Variants in SLC9A4 observed in about 807,000 individuals in gnomAD.
SLC9A4 encodes sodium/hydrogen exchanger 4.
Under a neutral mutation model 67.4 loss-of-function variants are expected in SLC9A4, and 63 were observed. That is an observed-to-expected ratio of 0.93 (90% CI 0.76 to 1.15). SLC9A4 has a LOEUF of 1.15. SLC9A4 is among the 50% of genes most tolerant of loss of function. The pLI, the probability that SLC9A4 is intolerant of heterozygous loss-of-function variation, is 0.00. For missense variants in SLC9A4, 1,089 were observed against 987.7 expected (o/e 1.10, Z -1.38); for synonymous variants, 393 against 367.2 (o/e 1.07, Z -0.80).
chr2:102,496,010 C>A (rs750171983), intron 2 of SLC9A4, among the ~76,000 whole-genome samples: 5 of 150,850 alleles, frequency 3.3e-5, no homozygotes, highest in Admixed American at 6.6e-5. Context: ...AAAACACACA[C>A]AAAAAAGAAA....
intron 2 of SLC9A4, among the ~76,000 whole-genome samples, chr2:102,496,106 C>A (rs7566063): frequency 0.77 from 117,133 of 152,140 alleles, 46,199 homozygotes; most frequent in African/African-American, 0.91. Context: ...GAAAGAAAAC[C>A]TTCACTATAC....
At chr2:102,489,093 T>G (rs1684647608) in intron 2 of SLC9A4, among the ~76,000 whole-genome samples, 1 of 152,244 alleles carries the variant, frequency 6.6e-6, no homozygotes, top group Non-Finnish European at 1.5e-5. Flanking sequence ...CTTGCTTTTA[T>G]GGTTAAAAGA....
chr2:102,529,286 G>T (rs1182459057), intron 11 of SLC9A4, among the ~76,000 whole-genome samples: 1 of 152,190 alleles, frequency 6.6e-6, no homozygotes, highest in East Asian at 1.9e-4. Flanking sequence ...GGTGAACAAA[G>T]ACAGTGGTTA....
At chr2:102,501,105 T>C (rs1014024174) in intron 2 of SLC9A4, among the ~76,000 whole-genome samples, 1 of 151,290 alleles carries the variant, frequency 6.6e-6, no homozygotes, top group African/African-American at 2.4e-5. Flanking sequence ...ATTACAGGCA[T>C]GCGCCACCAT....
At chr2:102,512,131 G>A (rs1441818556) in intron 6 of SLC9A4, 72 bp from the exon 7 acceptor site, 1 of 1,542,014 alleles carries the variant, frequency 6.5e-7, no homozygotes, top group Admixed American at 1.7e-5. Context: ...TTTTTAAAGT[G>A]TCTTAGTTGT....
intron 8 of SLC9A4, among the ~76,000 whole-genome samples, chr2:102,515,171 C>T (rs1209201667): frequency 6.6e-6 from 1 of 151,974 alleles, no homozygotes; most frequent in Non-Finnish European, 1.5e-5. Context: ...CAGGTAAAAA[C>T]ACTTGATCAT....
chr2:102,526,097 A>C (rs1002985956), intron 10 of SLC9A4, among the ~76,000 whole-genome samples, 162 bp from the exon 11 acceptor site: 1 of 152,210 alleles, frequency 6.6e-6, no homozygotes. Flanking sequence ...CATGTTGGCC[A>C]GGCTGGTCTT....
chr2:102,526,176 C>T (rs1302163295), intron 10 of SLC9A4, 83 bp from the exon 11 acceptor site: 1 of 1,419,194 alleles, frequency 7.0e-7, no homozygotes, highest in Admixed American at 1.7e-5. Context: ...GCGTGAGCCA[C>T]AGTGTCTGGC....
intron 2 of SLC9A4, among the ~76,000 whole-genome samples, chr2:102,494,832 C>T (rs1479489378): frequency 6.6e-6 from 1 of 151,988 alleles, no homozygotes; most frequent in Non-Finnish European, 1.5e-5. Context: ...CAACAAAATA[C>T]ATGAATTAAA....
At chr2:102,527,785 T>C (rs1256390479) in intron 11 of SLC9A4, among the ~76,000 whole-genome samples, 4 of 152,226 alleles carry the variant, frequency 2.6e-5, no homozygotes, top group East Asian at 3.8e-4. Flanking sequence ...ATAAAATTTA[T>C]ATGTCAGATT....
At chr2:102,514,939 C>T (rs1685245860) in intron 8 of SLC9A4, among the ~76,000 whole-genome samples, 1 of 152,096 alleles carries the variant, frequency 6.6e-6, no homozygotes, top group Non-Finnish European at 1.5e-5. Flanking sequence ...TTCTATGCAA[C>T]GTGGTAGAGC....
rs367726192 is a variant in SLC9A4, at chr2:102,524,879, A to G, written c.1819-145A>G. On this transcript the variant is annotated intron_variant, in intron 9 of 11. Transcript: ENST00000295269. Reference sequence around the variant, plus strand: ...TTCTTCTTGGCGCTGAGGCTTGTTCATTCGTAATCAAGGCAAATGCTTAGC... The same window carrying G: ...TTCTTCTTGGCGCTGAGGCTTGTTCGTTCGTAATCAAGGCAAATGCTTAGC... 4 of 945,680 alleles carry G rather than the reference A, an allele frequency of 4.2e-6. No individual in the cohort carries two copies. In the East Asian group the frequency reaches 7.5e-5, roughly 18 times the overall value. The allele number at this position is 945,680 out of a possible 1,614,324, so 58.6% of individuals were successfully genotyped here.
intron 6 of SLC9A4, 108 bp downstream of exon 6, chr2:102,509,041 C>CAGAGTGGG: frequency 3.2e-6 from 3 of 928,018 alleles, no homozygotes; most frequent in Non-Finnish European, 5.0e-6. Context: ...CCCCACTCTG[C>CAGAGTGGG]CAAGAGTGAC....
chr2:102,473,957 T>A lies in SLC9A4; in HGVS notation c.198T>A (p.Tyr66Ter). ...CTGTTTTTGAACTGGATTATGACTA[T>A]GTGCAAATTCCTTATGAGGTCACTC... ...GISVFELDYD[Y>*]VQIPYEVTLW... The change falls in exon 1 of 12, where the codon TAT (tyrosine) becomes TAA (stop). Residue 66 changes from tyrosine (Y) to a stop codon, truncating the protein, a stop_gained. Coordinates refer to ENST00000295269, the MANE Select transcript of SLC9A4 (RefSeq NM_001011552.4). LOFTEE classifies it high-confidence loss of function. 6.2e-7 allele frequency: 1 copy of A among 1,614,104 alleles called. No homozygotes were observed. The highest frequency in any genetic ancestry group is 1.1e-5 in the South Asian group (1 of 91,082).
At chr2:102,512,138 T>C (rs1261795047) in intron 6 of SLC9A4, 65 bp from the exon 7 acceptor site, 1 of 1,573,650 alleles carries the variant, frequency 6.4e-7, no homozygotes, top group Non-Finnish European at 8.7e-7. Context: ...AGTGTCTTAG[T>C]TGTCCTGTGT....
intron 2 of SLC9A4, among the ~76,000 whole-genome samples, chr2:102,488,688 A>G (rs1684638920): frequency 6.6e-6 from 1 of 151,740 alleles, no homozygotes; most frequent in Non-Finnish European, 1.5e-5. Context: ...AGCTGGGACT[A>G]AAGGTGCCCA....
chr2:102,485,857 G>T (rs1481121635), intron 2 of SLC9A4, among the ~76,000 whole-genome samples: 1 of 152,164 alleles, frequency 6.6e-6, no homozygotes, highest in Non-Finnish European at 1.5e-5. Flanking sequence ...AAACTTCAGA[G>T]TTGCTTCCTG....
chr2:102,476,800 T>C (rs566909082), intron 1 of SLC9A4, among the ~76,000 whole-genome samples: 4 of 149,172 alleles, frequency 2.7e-5, no homozygotes, highest in East Asian at 3.9e-4. Flanking sequence ...AAAGAGAAGA[T>C]GAAGAAGGAG....
Position 102,479,032 on chromosome 2 carries a change from C to T in SLC9A4, c.450C>T (p.Pro150=). 1.2e-6 allele frequency: 2 copies of T among 1,614,228 alleles called. No individual in the cohort carries two copies. Among genetic ancestry groups the T allele is most frequent in the Non-Finnish European group, 1.7e-6 (2 of 1,180,048 alleles). Residue 150 remains proline (P), a synonymous_variant, in exon 2 of 12, where the codon CCC becomes CCT. Transcript: ENST00000295269. ...GCGGCTACTTCATGCCCACCCGGCC[C>T]TTCTTTGAGAACATCGGCTCCATCC... is the stretch of plus-strand genomic sequence containing the variant. The part of the protein sequence containing the change: ...LEGGYFMPTR[P]FFENIGSILW...
Sources: gnomAD v4.1 joint callset for allele counts (sites outside exome capture counted in the v4.1 genomes callset) on GRCh38, gnomAD v4.1.1 for gene constraint, MANE v1.5 for transcripts, NCBI Gene and HGNC (gene_info 2026-07-23, HGNC 2026-07-21) for gene names.